Variants in CBL observed in about 807,000 individuals in gnomAD.
CBL encodes the protein E3 ubiquitin-protein ligase CBL.
Under a neutral mutation model 96.9 loss-of-function variants are expected in CBL, and 45 were observed. The ratio of observed to expected loss-of-function variants is 0.46; its 90% CI spans 0.37 to 0.60. The LOEUF (loss-of-function observed/expected upper bound fraction) is 0.60, where lower values mean the gene tolerates loss of function less well. Ranked by LOEUF, CBL falls within the 20% of genes least tolerant of loss-of-function variation. The pLI is 0.00. For missense variants in CBL, 1,024 were observed against 1,143.5 expected (o/e 0.90, Z 1.51); for synonymous variants, 420 against 426.8 (o/e 0.98, Z 0.20).
intron 1 of CBL, among the ~76,000 whole-genome samples, chr11:119,213,096 T>A (rs976128723): frequency 1.3e-5 from 2 of 152,144 alleles, no homozygotes; most frequent in African/African-American, 2.4e-5. Flanking sequence ...ATTACAGGCT[T>A]GAGCCACTGC....
intron 9 of CBL, 143 bp from the exon 10 acceptor site, chr11:119,284,826 G>A (rs1460021881): frequency 1.1e-6 from 1 of 936,498 alleles, no homozygotes; most frequent in Non-Finnish European, 1.7e-6. Context: ...TTTTTTAAGA[G>A]GGTGTGTGCG....
chr11:119,286,442 A>T (rs1453952189), intron 11 of CBL, among the ~76,000 whole-genome samples: 1 of 152,230 alleles, frequency 6.6e-6, no homozygotes, highest in African/African-American at 2.4e-5. Context: ...AGATAGGGCA[A>T]TCATGAGAAC....
At chr11:119,222,775 A>G (rs1341699095) in intron 1 of CBL, among the ~76,000 whole-genome samples, 2 of 152,192 alleles carry the variant, frequency 1.3e-5, no homozygotes, top group African/African-American at 2.4e-5. Context: ...TTTGTTAACT[A>G]TTGACTTGAA....
At chr11:119,254,547 T>C (rs564991015) in intron 2 of CBL, among the ~76,000 whole-genome samples, 1 of 152,268 alleles carries the variant, frequency 6.6e-6, no homozygotes, top group East Asian at 1.9e-4. Context: ...TAAGTATGTA[T>C]TTTAACATGT....
At chr11:119,240,123 A>G (rs931054422) in intron 2 of CBL, among the ~76,000 whole-genome samples, 3 of 151,758 alleles carry the variant, frequency 2.0e-5, no homozygotes, top group African/African-American at 7.3e-5. Context: ...GAAACCCCAT[A>G]TCTACTAAAA....
intron 9 of CBL, among the ~76,000 whole-genome samples, chr11:119,283,621 C>CTTTTTTT (rs1410071154): frequency 1.1e-4 from 4 of 36,496 alleles, no homozygotes; most frequent in Non-Finnish European, 2.4e-4. Flanking sequence ...CTTTTTAATT[C>CTTTTTTT]TTTCTTTTTT....
chr11:119,291,948 C>T (rs969220900), intron 12 of CBL, among the ~76,000 whole-genome samples: 1 of 152,016 alleles, frequency 6.6e-6, no homozygotes, highest in Non-Finnish European at 1.5e-5. Flanking sequence ...CCTTTGCCTC[C>T]CAGGTTCAAG....
At chr11:119,269,547 TA>T (rs1949827709) in intron 2 of CBL, among the ~76,000 whole-genome samples, 1 of 152,074 alleles carries the variant, frequency 6.6e-6, no homozygotes, top group African/African-American at 2.4e-5. Flanking sequence ...GTCATGGATA[TA>T]AAGACTTGGA....
chr11:119,276,583 A>C (rs542597276), intron 6 of CBL, among the ~76,000 whole-genome samples: 2 of 152,348 alleles, frequency 1.3e-5, no homozygotes, highest in African/African-American at 4.8e-5. Context: ...ACTGTAACCT[A>C]TGCTGCTATT....
intron 1 of CBL, among the ~76,000 whole-genome samples, chr11:119,209,393 G>A (rs758939029): frequency 2.6e-5 from 4 of 152,068 alleles, no homozygotes; most frequent in Non-Finnish European, 4.4e-5. Context: ...CGAGGTGGGC[G>A]GCTCACTTGA....
At chr11:119,209,998 T>A (rs1013608237) in intron 1 of CBL, among the ~76,000 whole-genome samples, 1 of 152,220 alleles carries the variant, frequency 6.6e-6, no homozygotes, top group Non-Finnish European at 1.5e-5. Flanking sequence ...GCATAAATAC[T>A]TGTATGTGAA....
intron 12 of CBL, among the ~76,000 whole-genome samples, chr11:119,291,264 C>T (rs371065276): frequency 1.8e-4 from 28 of 152,246 alleles, no homozygotes; most frequent in South Asian, 6.2e-4. Flanking sequence ...TGGTGGCACA[C>T]GCCTATAGTC....
intron 1 of CBL, among the ~76,000 whole-genome samples, chr11:119,223,148 A>G (rs1949424196): frequency 6.8e-6 from 1 of 146,928 alleles, no homozygotes; most frequent in Admixed American, 6.9e-5. Flanking sequence ...ACTGTGCTCC[A>G]GCCTGGGTGA....
chr11:119,260,960 A>G (rs1029810811), intron 2 of CBL, among the ~76,000 whole-genome samples: 2 of 28,976 alleles, frequency 6.9e-5, no homozygotes, highest in Admixed American at 4.2e-4. Context: ...TTTTTTTTTT[A>G]ATGGAGGCAA....
intron 15 of CBL, among the ~76,000 whole-genome samples, chr11:119,299,242 G>A (rs1417639180): frequency 6.6e-6 from 1 of 152,180 alleles, no homozygotes; most frequent in Non-Finnish European, 1.5e-5. Context: ...AAAGCATGAT[G>A]CAGATGTTTA....
At position 119,298,425 on chromosome 11, in the gene CBL, G is replaced by A. The variant is rs746140489; in HGVS notation, c.2319G>A (p.Gly773=). 4.3e-6 allele frequency: 7 copies of A among 1,614,156 alleles called. No individual in the cohort carries two copies. In the South Asian group the frequency reaches 7.7e-5, roughly 18 times the overall value. The change falls in exon 15 of 16, where the codon GGG becomes GGA. Residue 773 remains glycine, a synonymous_variant. Coordinates refer to ENST00000264033, the MANE Select transcript of CBL (RefSeq NM_005188.4). ...AGGAGTCAGAAAATGAGGATGATGG[G>A]TATGATGTCCCAAAGCCACCTGTGC... is the stretch of plus-strand genomic sequence containing the variant. ...GPEESENEDD[G]YDVPKPPVPA...
intron 1 of CBL, among the ~76,000 whole-genome samples, chr11:119,229,630 A>C (rs930341757): frequency 5.9e-5 from 9 of 152,328 alleles, no homozygotes; most frequent in South Asian, 2.1e-4. Flanking sequence ...ACAACAACAA[A>C]AAACAAAAAC....
chr11:119,216,339 A>ATTTATTT (rs1949359734), intron 1 of CBL, among the ~76,000 whole-genome samples: 1 of 144,038 alleles, frequency 6.9e-6, no homozygotes, highest in African/African-American at 2.6e-5. Context: ...GACTTATTGT[A>ATTTATTT]ATTTATTTAT....
At chr11:119,250,866 A>C (rs1949665255) in intron 2 of CBL, among the ~76,000 whole-genome samples, 1 of 152,178 alleles carries the variant, frequency 6.6e-6, no homozygotes. Context: ...CAGGAGTATC[A>C]CTTGAACTTG....
Sources: allele counts gnomAD v4.1 joint callset (sites outside exome capture counted in the v4.1 genomes callset), GRCh38; gene constraint gnomAD v4.1.1; transcripts MANE v1.5; gene names NCBI Gene and HGNC (gene_info 2026-07-23, HGNC 2026-07-21).